The following NRK variants were observed in gnomAD, a reference collection of about 807,000 sequenced individuals.
The protein encoded by NRK is Nik related kinase.
In NRK, 67 loss-of-function variants were observed where a neutral mutation model predicts 125.2. That is an observed-to-expected ratio of 0.54 (90% CI 0.44 to 0.66). The LOEUF (loss-of-function observed/expected upper bound fraction) is 0.66, where lower values mean the gene tolerates loss of function less well. NRK is among the 30% of genes least tolerant of loss of function. NRK has a pLI of 0.00. For synonymous variants in NRK, 458 were observed against 429.0 expected (o/e 1.07, Z -0.84); for missense variants, 1,224 against 1,192.9 (o/e 1.03, Z -0.38).
chrX:105,880,000 G>T (rs762497932), intron 2 of NRK, among the ~76,000 whole-genome samples, 199 bp from the exon 3 acceptor site: 2 of 110,009 alleles, frequency 1.8e-5, no homozygotes, highest in Non-Finnish European at 3.8e-5. Flanking sequence ...GTTTTGAGTG[G>T]GATGGTGATT....
At chrX:105,877,277 T>A (rs1410550332) in intron 2 of NRK, among the ~76,000 whole-genome samples, 1 of 111,647 alleles carries the variant, frequency 9.0e-6, no homozygotes, top group East Asian at 2.8e-4. Flanking sequence ...CAGGAAAGAC[T>A]GAGGACTTGT....
chrX:105,844,131 T>G (rs1428006680), intron 2 of NRK, among the ~76,000 whole-genome samples: 10 of 109,219 alleles, frequency 9.2e-5, no homozygotes, highest in African/African-American at 3.3e-4. Context: ...AGTCACCATA[T>G]GTATATGCTT....
At chrX:105,910,701 TG>T (rs1480625533) in intron 13 of NRK, among the ~76,000 whole-genome samples, 1 of 110,621 alleles carries the variant, frequency 9.0e-6, no homozygotes, top group African/African-American at 3.3e-5. Context: ...TTGTAGAGGG[TG>T]AGGTGCTGGA....
At chrX:105,869,683 A>T (rs767529347) in intron 2 of NRK, among the ~76,000 whole-genome samples, 34 of 111,897 alleles carry the variant, frequency 3.0e-4, no homozygotes, top group Non-Finnish European at 5.3e-4. Context: ...CTGTGGACAC[A>T]CCTGGAAAAG....
intron 2 of NRK, among the ~76,000 whole-genome samples, chrX:105,870,114 G>A (rs1489509437): frequency 9.0e-6 from 1 of 111,503 alleles, no homozygotes; most frequent in Non-Finnish European, 1.9e-5. Context: ...TCCTGAATAT[G>A]TAAGTCATTC....
intron 19 of NRK, among the ~76,000 whole-genome samples, chrX:105,928,222 G>A (rs1427280378): frequency 9.0e-6 from 1 of 110,913 alleles, no homozygotes; most frequent in Non-Finnish European, 1.9e-5. Flanking sequence ...ATCTTGCTAG[G>A]TTGTATGTGT....
chrX:105,895,496 C>T lies in NRK; in HGVS notation c.553C>T (p.Leu185=). Residue 185 remains leucine, a synonymous_variant, in exon 7 of 29, where the codon CTG becomes TTG. Coordinates refer to ENST00000243300, the MANE Select transcript of NRK (RefSeq NM_198465.4). ...GGACATCAAAGGTCAGAATGTGCTG[C>T]TGACTCATAATGCTGAAGTAAAACT... ...HRDIKGQNVL[L]THNAEVKLVD... The T allele has an allele frequency of 8.4e-7, 1 of 1,196,847 alleles. No homozygotes were observed.
chrX:105,870,924 G>C (rs1382209662), intron 2 of NRK, among the ~76,000 whole-genome samples: 1 of 111,405 alleles, frequency 9.0e-6, no homozygotes, highest in African/African-American at 3.3e-5. Context: ...ACAAAAATCT[G>C]TTTCCATACA....
intron 16 of NRK, among the ~76,000 whole-genome samples, chrX:105,920,747 C>A (rs2147764195): frequency 9.2e-6 from 1 of 108,835 alleles, no homozygotes; most frequent in South Asian, 4.1e-4. Flanking sequence ...TCGTCACTGG[C>A]CATCAGAGAA....
At position 105,909,490 on chromosome X, in the gene NRK, G is replaced by A. The variant is rs186381570; in HGVS notation, c.1849G>A (p.Glu617Lys). 22 of 1,208,637 alleles carry A rather than the reference G, an allele frequency of 1.8e-5. No homozygotes were observed. The African/African-American group carries it at 2.6e-4, about 14-fold the overall frequency. ...GCTCATTCCAGTAGAGGGGCAAACT[G>A]AAGGATCACCTCAGGCACAGGCTTG... Reference protein sequence around the residue: ...QVLIPVEGQTEGSPQAQAWTL... With the variant: ...QVLIPVEGQTKGSPQAQAWTL... Residue 617 changes from glutamate to lysine, a missense_variant, in exon 13 of 29, where the codon GAA (glutamate) becomes AAA (lysine). Glu to Lys is a moderately conservative substitution (Grantham distance 56). Transcript: ENST00000243300.
chrX:105,869,511 AG>A (rs1276865334), intron 2 of NRK, among the ~76,000 whole-genome samples: 6 of 110,573 alleles, frequency 5.4e-5, no homozygotes, highest in African/African-American at 2.0e-4. Context: ...CCTTATTCTT[AG>A]TAGCCATCCC....
chrX:105,850,377 C>T (rs894138749), intron 2 of NRK, among the ~76,000 whole-genome samples: 1 of 111,813 alleles, frequency 8.9e-6, no homozygotes, highest in Middle Eastern at 4.6e-3. Context: ...GAGGGGCTGC[C>T]ATGAAGGTCT....
chrX:105,909,230 A>G lies in NRK; in HGVS notation c.1589A>G (p.Gln530Arg). The change falls in exon 13 of 29, where the codon CAA (glutamine) becomes CGA (arginine). Residue 530 changes from glutamine (Q) to arginine (R), a missense_variant. Coordinates refer to ENST00000243300, the MANE Select transcript of NRK (RefSeq NM_198465.4). ...GGTCAAGATCAGGTACCCGAACAAC[A>G]AAGGCAGGGCCAGGCCCCTGAACAA... Reference protein sequence around the residue: ...FQGQDQVPEQQRQGQAPEQQQ... With the variant: ...FQGQDQVPEQRRQGQAPEQQQ... The G allele has an allele frequency of 8.3e-7, 1 of 1,210,200 alleles. No individual in the cohort carries two copies. Among genetic ancestry groups the G allele is most frequent in the Non-Finnish European group, 1.1e-6 (1 of 894,802 alleles).
intron 2 of NRK, among the ~76,000 whole-genome samples, chrX:105,846,648 CAG>C (rs1435997548): frequency 9.0e-6 from 1 of 111,369 alleles, no homozygotes; most frequent in Non-Finnish European, 1.9e-5. Flanking sequence ...TTAGTGGAGA[CAG>C]AGATAGAGCC....
At chrX:105,867,503 T>A (rs2147689228) in intron 2 of NRK, among the ~76,000 whole-genome samples, 1 of 112,416 alleles carries the variant, frequency 8.9e-6, no homozygotes, top group Non-Finnish European at 1.9e-5. Flanking sequence ...TATCTTTTAA[T>A]AAGTTTGAGC....
intron 23 of NRK, among the ~76,000 whole-genome samples, chrX:105,943,403 A>G (rs1479641617): frequency 2.7e-5 from 3 of 112,066 alleles, no homozygotes; most frequent in African/African-American, 9.7e-5. Flanking sequence ...GTTATTTAGT[A>G]CCATACTGCT....
Position 105,957,466 on chromosome X carries a change from T to C in NRK, c.*1866T>C, listed in dbSNP as rs1453217823. 2 of 111,914 alleles carry C rather than the reference T, an allele frequency of 1.8e-5. No homozygotes were observed. Among genetic ancestry groups the C allele is most frequent in the African/African-American group, 6.5e-5 (2 of 30,740 alleles). 9.2% of individuals were successfully genotyped at this position (111,914 alleles called of 1,213,427 possible). The stretch of plus-strand genomic sequence containing the variant: ...ACGTAGTGTGTAGAATCAAGTCTTT[T>C]AATAATTCATTTTTTCTTCATAATA... On this transcript the variant is annotated 3_prime_UTR_variant, in exon 29 of 29. Transcript: ENST00000243300.
intron 1 of NRK, among the ~76,000 whole-genome samples, chrX:105,829,586 A>G (rs1319775264): frequency 9.0e-6 from 1 of 111,696 alleles, no homozygotes; most frequent in Non-Finnish European, 1.9e-5. Flanking sequence ...TCAAGAAACC[A>G]TATTTTGTGG....
chrX:105,823,020 G>A, intron 1 of NRK, 118 bp downstream of exon 1: 1 of 657,622 alleles, frequency 1.5e-6, no homozygotes, highest in Non-Finnish European at 2.2e-6. Flanking sequence ...CGGGTCCCCC[G>A]GGCGCGGAAG....
Sources: gnomAD v4.1 joint callset for allele counts (sites outside exome capture counted in the v4.1 genomes callset) on GRCh38, gnomAD v4.1.1 for gene constraint, MANE v1.5 for transcripts, NCBI Gene and HGNC (gene_info 2026-07-23, HGNC 2026-07-21) for gene names.